The following ARMH1 variants were observed in gnomAD, a reference collection of about 807,000 sequenced individuals.
ARMH1 encodes the protein armadillo-like helical domain containing protein 1.
A neutral mutation model predicts 50.2 loss-of-function variants in ARMH1; 34 were observed. The ratio of observed to expected loss-of-function variants is 0.68; its 90% CI spans 0.51 to 0.90. ARMH1 has a LOEUF of 0.90. Among genes scored for constraint, ARMH1 ranks in the 40% least tolerant of loss-of-function variants. The pLI, the probability that ARMH1 is intolerant of heterozygous loss-of-function variation, is 0.00. For synonymous variants in ARMH1, 221 were observed against 224.2 expected (o/e 0.99, Z 0.13); for missense variants, 538 against 553.9 (o/e 0.97, Z 0.29).
Position 44,704,068 on chromosome 1 carries a change from TC to T in ARMH1, c.640-19del. 6.5e-7 allele frequency: 1 copy of T among 1,536,514 alleles called. No individual in the cohort carries two copies. Among genetic ancestry groups the T allele is most frequent in the Non-Finnish European group, 8.8e-7 (1 of 1,135,454 alleles). On this transcript the variant is annotated intron_variant, in intron 5 of 11. Transcript: ENST00000535358. ...AAAAAAAAAAAGACTAACCACCTTG[TC>T]CTGTTGTCTGTCTGGTCAGCCAATC...
Position 44,699,443 on chromosome 1 carries a change from T to C in ARMH1, c.442+1214T>C, listed in dbSNP as rs146662425. ...AGAGTCTGGTGAGAAAAGTAAATAA[T>C]ATAGTTTTTATTTTTTTCTTTTTTG... On this transcript the variant is annotated intron_variant, in intron 4 of 11. Coordinates refer to ENST00000535358, the MANE Select transcript of ARMH1 (RefSeq NM_001145636.2). Among the ~76,000 whole-genome samples the C allele has an allele frequency of 2.5e-3, 381 of 152,158 alleles. 1 individual carries two copies. The highest frequency in any genetic ancestry group is 8.6e-3 in the African/African-American group (355 of 41,512).
At chr1:44,701,857 G>C (rs1217210678) in intron 5 of ARMH1, among the ~76,000 whole-genome samples, 2 of 151,928 alleles carry the variant, frequency 1.3e-5, no homozygotes, top group Non-Finnish European at 2.9e-5. Context: ...TAGCCTGAGA[G>C]GCAGAGGTTA....
In ARMH1 at chr1:44,724,628, A is replaced by G. The variant is rs1319796442; in HGVS notation, c.1010A>G (p.Asp337Gly). 1.3e-6 allele frequency: 2 copies of G among 1,509,022 alleles called. No individual in the cohort carries two copies. The highest frequency in any genetic ancestry group is 2.7e-5 in the East Asian group (1 of 36,750). The allele number at this position is 1,509,022 out of a possible 1,614,324, so 93.5% of individuals were successfully genotyped here. Reference sequence around the variant, plus strand: ...CTAATGGCCGCCATGGGCAACACGGACCACAGCAACAGCCAGCGGCTGGCC... The same window carrying G: ...CTAATGGCCGCCATGGGCAACACGGGCCACAGCAACAGCCAGCGGCTGGCC... ...RGLMAAMGNTDHSNSQRLASL... is the reference protein window; with the variant it reads ...RGLMAAMGNTGHSNSQRLASL... Residue 337 changes from aspartate (D) to glycine (G), a missense_variant, in exon 9 of 12, where the codon GAC becomes GGC. Physicochemically the swap from Asp to Gly is moderately conservative, Grantham distance 94. Transcript: ENST00000535358. The surrounding 1 kb of genome is among the most constrained non-coding windows in gnomAD (Gnocchi z 6.4).
intron 6 of ARMH1, among the ~76,000 whole-genome samples, chr1:44,704,731 T>G (rs980419666): frequency 1.3e-5 from 2 of 152,130 alleles, no homozygotes; most frequent in African/African-American, 4.8e-5. Flanking sequence ...AGGCTGGTCT[T>G]GAACTCCAGG....
intron 6 of ARMH1, chr1:44,721,710 C>G (rs10127899): frequency 2.0e-5 from 3 of 152,040 alleles, no homozygotes; most frequent in Non-Finnish European, 2.9e-5. Flanking sequence ...ACCTGGGTGA[C>G]ATTTGTGGAG....
At chr1:44,690,319 T>C (rs1349495831) in intron 2 of ARMH1, among the ~76,000 whole-genome samples, 1 of 151,852 alleles carries the variant, frequency 6.6e-6, no homozygotes, top group Non-Finnish European at 1.5e-5. Flanking sequence ...AGAACAGACA[T>C]CTGGTGTTTA....
intron 1 of ARMH1, among the ~76,000 whole-genome samples, chr1:44,688,718 A>G (rs1270567813): frequency 6.6e-6 from 1 of 152,176 alleles, no homozygotes; most frequent in Non-Finnish European, 1.5e-5. Flanking sequence ...CAGCACTAAC[A>G]TTTGTTATGG....
intron 1 of ARMH1, among the ~76,000 whole-genome samples, chr1:44,676,426 G>A (rs1480547240): frequency 2.0e-5 from 3 of 152,196 alleles, no homozygotes; most frequent in Non-Finnish European, 4.4e-5. Flanking sequence ...CTTGCCCAGG[G>A]AGTAAGTGTA....
At position 44,724,739 on chromosome 1, in the gene ARMH1, G is replaced by A; in HGVS notation, c.1051-23G>A. On this transcript the variant is annotated intron_variant, in intron 9 of 11. Coordinates refer to ENST00000535358, the MANE Select transcript of ARMH1 (RefSeq NM_001145636.2). This position sits in a 1 kb window ranked among gnomAD's most constrained non-coding sequence, Gnocchi z 6.4. ...GCAGCCCCGTCGCCCCCGCAGTCACGCCGCCTCGCCCGCGCGGCGCAGTGC... is the reference window on the plus strand; with the variant it reads ...GCAGCCCCGTCGCCCCCGCAGTCACACCGCCTCGCCCGCGCGGCGCAGTGC... The A allele has an allele frequency of 6.6e-6, 10 of 1,516,264 alleles. No homozygotes were observed. The highest frequency in any genetic ancestry group is 8.8e-6 in the Non-Finnish European group (10 of 1,136,594). 93.9% of individuals were successfully genotyped at this position (1,516,264 alleles called of 1,614,324 possible).
In ARMH1 at chr1:44,725,215, A is replaced by C; in HGVS notation, c.1208A>C (p.Lys403Thr). 5.2e-6 allele frequency: 8 copies of C among 1,551,938 alleles called. No individual in the cohort carries two copies. Among genetic ancestry groups the C allele is most frequent in the Non-Finnish European group, 7.0e-6 (8 of 1,147,032 alleles). ...GCGGCCAACACAGTCAATGTTACCA[A>C]AGGTGAGTGTGGGACGAGGGAAGCC... ...ILAANTVNVTKALCLHGSSYS... is the reference protein window; with the variant it reads ...ILAANTVNVTTALCLHGSSYS... The change falls in exon 11 of 12, where the codon AAA (lysine) becomes ACA (threonine). Residue 403 changes from lysine to threonine, a missense_variant and splice_region_variant. Physicochemically the swap from Lys to Thr is moderately conservative, Grantham distance 78. Transcript: ENST00000535358.
At position 44,687,570 on chromosome 1, in the gene ARMH1, A is replaced by AT. The variant is rs1645514052; in HGVS notation, c.-22-2099dup. On this transcript the variant is annotated intron_variant, in intron 1 of 11. Transcript: ENST00000535358. ...GTGAGGCAGGTGCTATTACTATTTGATTTTTTTCAAAATAGCAAGTGGCGG... is the reference window on the plus strand; with the variant it reads ...GTGAGGCAGGTGCTATTACTATTTGATTTTTTTTCAAAATAGCAAGTGGCGG... Among the ~76,000 whole-genome samples the AT allele has an allele frequency of 2.0e-5, 3 of 152,176 alleles. No individual in the cohort carries two copies. The South Asian group carries it at 6.2e-4, about 32-fold the overall frequency.
chr1:44,685,408 C>G lies in ARMH1; in HGVS notation c.-22-4268C>G, dbSNP rs929080555. Reference sequence around the variant, plus strand: ...ACTGCAGCCCCGACCTGGTCTCATTCGATCTTCCCACCTCAGCCACCTTAG... The same window carrying G: ...ACTGCAGCCCCGACCTGGTCTCATTGGATCTTCCCACCTCAGCCACCTTAG... On this transcript the variant is annotated intron_variant, in intron 1 of 11. Coordinates refer to ENST00000535358, the MANE Select transcript of ARMH1 (RefSeq NM_001145636.2). 4.0e-5 allele frequency among the ~76,000 whole-genome samples: 6 copies of G among 150,116 alleles called. 1 individual carries two copies. In the Middle Eastern group the frequency reaches 0.011, roughly 270 times the overall value.
chr1:44,723,066 C>T (rs571445638), intron 6 of ARMH1, among the ~76,000 whole-genome samples: 2 of 145,724 alleles, frequency 1.4e-5, no homozygotes, highest in Admixed American at 6.8e-5. Flanking sequence ...CAGAGTGAGG[C>T]TCTGTCTCAA....
chr1:44,698,326 G>A, intron 4 of ARMH1, 97 bp downstream of exon 4: 1 of 1,131,688 alleles, frequency 8.8e-7, no homozygotes, highest in Non-Finnish European at 1.2e-6. Flanking sequence ...TCATGAAACT[G>A]GTTGAACAGG....
chr1:44,677,485 A>C (rs541541216), intron 1 of ARMH1, among the ~76,000 whole-genome samples: 1 of 140,400 alleles, frequency 7.1e-6, no homozygotes, highest in East Asian at 2.2e-4. Flanking sequence ...TAGGAGAGTG[A>C]AAAAAAATGT....
At chr1:44,708,081 G>C (rs1646423824) in intron 6 of ARMH1, among the ~76,000 whole-genome samples, 1 of 152,220 alleles carries the variant, frequency 6.6e-6, no homozygotes, top group African/African-American at 2.4e-5. Flanking sequence ...AGGGAGCACT[G>C]TTTCACATGG....
intron 6 of ARMH1, among the ~76,000 whole-genome samples, chr1:44,713,097 C>CTTTTT (rs538780455): frequency 1.7e-5 from 2 of 118,860 alleles, no homozygotes; most frequent in Non-Finnish European, 3.5e-5. Context: ...TGCGCCCGGC[C>CTTTTT]TTTTTTTTTT....
At chr1:44,709,019 C>T (rs1646464522) in intron 6 of ARMH1, among the ~76,000 whole-genome samples, 1 of 152,070 alleles carries the variant, frequency 6.6e-6, no homozygotes, top group South Asian at 2.1e-4. Flanking sequence ...AGACATGTAC[C>T]AAAAAGGTAA....
chr1:44,718,407 CA>C (rs1646936295), intron 6 of ARMH1, among the ~76,000 whole-genome samples: 1 of 152,300 alleles, frequency 6.6e-6, no homozygotes, highest in African/African-American at 2.4e-5. Flanking sequence ...GGGAAGAAAC[CA>C]AATGGTAGAA....
Sources: allele counts gnomAD v4.1 joint callset (sites outside exome capture counted in the v4.1 genomes callset), GRCh38; gene constraint gnomAD v4.1.1; non-coding constraint Gnocchi (gnomAD v3.1); transcripts MANE v1.5; gene names NCBI Gene and HGNC (gene_info 2026-07-23, HGNC 2026-07-21).